The following IGSF23 variants were observed in gnomAD, a reference collection of about 807,000 sequenced individuals.
IGSF23 encodes the protein immunoglobulin superfamily, member 23.
A neutral mutation model predicts 17.8 loss-of-function variants in IGSF23; 14 were observed. The ratio of observed to expected loss-of-function variants is 0.79; its 90% CI spans 0.52 to 1.23. The LOEUF (loss-of-function observed/expected upper bound fraction) is 1.23, where lower values mean the gene tolerates loss of function less well. Among genes scored for constraint, IGSF23 ranks in the 50% most tolerant of loss-of-function variants. The probability of loss-of-function intolerance (pLI) is 0.00; values close to 1 mark genes in which losing one functional copy is unlikely to be tolerated. For missense variants in IGSF23, 214 were observed against 241.7 expected (o/e 0.89, Z 0.76); for synonymous variants, 85 against 92.5 (o/e 0.92, Z 0.46).
intron 3 of IGSF23, among the ~76,000 whole-genome samples, chr19:44,629,070 G>A (rs1304390921): frequency 6.6e-6 from 1 of 152,320 alleles, no homozygotes; most frequent in East Asian, 1.9e-4. Context: ...GAAGTAACAT[G>A]TGGGTCAGAG....
At chr19:44,616,004 G>A (rs1293658927) in intron 1 of IGSF23, among the ~76,000 whole-genome samples, 1 of 152,204 alleles carries the variant, frequency 6.6e-6, no homozygotes, top group Non-Finnish European at 1.5e-5. Context: ...TGCAAAGTGA[G>A]CTGGGGGAGC....
chr19:44,635,014 G>A (rs955192113), intron 3 of IGSF23, among the ~76,000 whole-genome samples: 1 of 152,126 alleles, frequency 6.6e-6, no homozygotes. Context: ...GACCGGGGGG[G>A]CTTAAACAAC....
intron 2 of IGSF23, among the ~76,000 whole-genome samples, chr19:44,626,730 T>C (rs1568488761): frequency 6.6e-6 from 1 of 152,050 alleles, no homozygotes; most frequent in Non-Finnish European, 1.5e-5. Flanking sequence ...AAGTAGATGG[T>C]GAAGAAGATG....
chr19:44,623,769 T>C lies in IGSF23; in HGVS notation c.188T>C (p.Leu63Pro). Residue 63 changes from leucine to proline, a missense_variant, in exon 2 of 5, where the codon CTC becomes CCC. Coordinates refer to ENST00000402988, the MANE Select transcript of IGSF23 (RefSeq NM_001205280.2). ...AAIRGVIQSE[L>P]NYSVILQWVV... ...ATCCGGGGAGTCATCCAGAGTGAGC[T>C]CAACTATTCTGTGATCCTGCAGTGG... The C allele has an allele frequency of 6.4e-7, 1 of 1,551,002 alleles. No homozygotes were observed. Among genetic ancestry groups the C allele is most frequent in the Non-Finnish European group, 8.7e-7 (1 of 1,147,082 alleles).
At chr19:44,618,096 A>T in intron 1 of IGSF23, 1 of 471,014 alleles carries the variant, frequency 2.1e-6, no homozygotes, top group Non-Finnish European at 4.4e-6. Flanking sequence ...CACATCCTGC[A>T]CCTGCTCTGC....
At chr19:44,620,029 G>C (rs1972477672) in intron 1 of IGSF23, among the ~76,000 whole-genome samples, 1 of 152,122 alleles carries the variant, frequency 6.6e-6, no homozygotes, top group Admixed American at 6.5e-5. Context: ...CCAGCATTTT[G>C]GGAGGCCAAG....
At chr19:44,619,761 A>G (rs771624808) in intron 1 of IGSF23, among the ~76,000 whole-genome samples, 1 of 152,058 alleles carries the variant, frequency 6.6e-6, no homozygotes, top group Non-Finnish European at 1.5e-5. Context: ...TCCTCTTCTT[A>G]TAAGGGCACC....
chr19:44,624,512 T>C (rs1353366756), intron 2 of IGSF23, among the ~76,000 whole-genome samples: 1 of 151,578 alleles, frequency 6.6e-6, no homozygotes, highest in East Asian at 2.0e-4. Context: ...CTCGAACTCC[T>C]GGGCTCGAGT....
chr19:44,633,622 C>T (rs184634709), intron 3 of IGSF23, among the ~76,000 whole-genome samples: 34 of 152,256 alleles, frequency 2.2e-4, no homozygotes, highest in Middle Eastern at 3.4e-3. Context: ...TTACCAACTC[C>T]AACTATGTTA....
chr19:44,620,147 T>A (rs925692906), intron 1 of IGSF23, among the ~76,000 whole-genome samples: 15 of 151,696 alleles, frequency 9.9e-5, no homozygotes, highest in Non-Finnish European at 7.4e-5. Flanking sequence ...CAGGCGCCTG[T>A]AATCCTAGCT....
intron 2 of IGSF23, among the ~76,000 whole-genome samples, chr19:44,626,508 G>C (rs950376316): frequency 9.2e-5 from 14 of 152,228 alleles, no homozygotes; most frequent in Non-Finnish European, 2.1e-4. Context: ...GATCACCAGA[G>C]TGGGCAGGGC....
chr19:44,619,850 G>A (rs770604864), intron 1 of IGSF23, among the ~76,000 whole-genome samples: 5 of 152,192 alleles, frequency 3.3e-5, no homozygotes, highest in Admixed American at 2.0e-4. Flanking sequence ...CTCCAAATAC[G>A]GTCACATTCT....
At chr19:44,630,178 T>A (rs1972735348) in intron 3 of IGSF23, among the ~76,000 whole-genome samples, 1 of 152,144 alleles carries the variant, frequency 6.6e-6, no homozygotes. Context: ...TAGGGAGACA[T>A]TGTGGACCAG....
intron 2 of IGSF23, among the ~76,000 whole-genome samples, chr19:44,625,381 C>A (rs911292779): frequency 3.9e-5 from 6 of 152,060 alleles, no homozygotes; most frequent in African/African-American, 1.4e-4. Flanking sequence ...CATATACAGT[C>A]GGTATATGGA....
At chr19:44,629,366 A>C (rs1280607432) in intron 3 of IGSF23, among the ~76,000 whole-genome samples, 1 of 152,110 alleles carries the variant, frequency 6.6e-6, no homozygotes, top group African/African-American at 2.4e-5. Context: ...GGCCTGGGCA[A>C]CATAGTGAGA....
At chr19:44,628,460 T>C (rs990032989) in intron 3 of IGSF23, among the ~76,000 whole-genome samples, 1 of 152,092 alleles carries the variant, frequency 6.6e-6, no homozygotes, top group Non-Finnish European at 1.5e-5. Flanking sequence ...GATAGTATAT[T>C]GGATGGGCCA....
chr19:44,619,122 C>T (rs1185265610), intron 1 of IGSF23, among the ~76,000 whole-genome samples: 1 of 152,054 alleles, frequency 6.6e-6, no homozygotes, highest in Non-Finnish European at 1.5e-5. Flanking sequence ...GCAGGTGTCT[C>T]CCGTGAGAAC....
chr19:44,635,473 C>A lies in IGSF23; in HGVS notation c.*31+8C>A, dbSNP rs1250573550. ...CTCCTGTCAGCTGAAGAGGTAATAC[C>A]AGGAAGGGTGTGAAGGAAATCCTAG... On this transcript the variant is annotated splice_region_variant and intron_variant, in intron 4 of 4. Transcript: ENST00000402988. 1 of 1,541,954 alleles carries A rather than the reference C, an allele frequency of 6.5e-7. No individual in the cohort carries two copies. The highest frequency in any genetic ancestry group is 2.0e-5 in the Admixed American group (1 of 50,760).
rs539604910 is a variant in IGSF23 at position 44,631,833 on chromosome 19, C to T, written c.546-3568C>T. 1.0e-3 allele frequency among the ~76,000 whole-genome samples: 158 copies of T among 152,310 alleles called. 1 individual carries two copies. The highest frequency in any genetic ancestry group is 3.4e-3 in the African/African-American group (141 of 41,560). On this transcript the variant is annotated intron_variant, in intron 3 of 4. Transcript: ENST00000402988. ...TTAAAAACGCCTTTAAGTGGTTTTC[C>T]GCCCTGGGTGGGCAAGGTGTTCCTT...
Sources: gnomAD v4.1 joint callset for allele counts (sites outside exome capture counted in the v4.1 genomes callset) on GRCh38, gnomAD v4.1.1 for gene constraint, MANE v1.5 for transcripts, NCBI Gene and HGNC (gene_info 2026-07-23, HGNC 2026-07-21) for gene names.